The following CAMTA1 variants were observed in gnomAD, a reference collection of about 807,000 sequenced individuals.
CAMTA1 encodes calmodulin binding transcription activator 1.
Under a neutral mutation model 170.9 loss-of-function variants are expected in CAMTA1, and 27 were observed. The observed-to-expected ratio is 0.16, with a 90% CI of 0.12 to 0.22. The LOEUF is 0.22. CAMTA1 is among the 10% of genes least tolerant of loss of function. CAMTA1 has a pLI of 1.00. For missense variants in CAMTA1, 1,619 were observed against 2,217.2 expected, an observed-to-expected ratio of 0.73 and a Z score of 5.42; for synonymous variants, 833 against 891.5, an observed-to-expected ratio of 0.93 and a Z score of 1.17.
intron 5 of CAMTA1, among the ~76,000 whole-genome samples, chr1:7,403,181 C>T (rs1289618147): frequency 1.3e-5 from 2 of 151,996 alleles, no homozygotes; most frequent in South Asian, 2.1e-4. Context: ...GGCAAAACCC[C>T]GTCTCTACTA....
At chr1:7,288,147 A>G (rs1672613184) in intron 5 of CAMTA1, among the ~76,000 whole-genome samples, 1 of 152,152 alleles carries the variant, frequency 6.6e-6, no homozygotes, top group Non-Finnish European at 1.5e-5. Flanking sequence ...TTCCCTGATA[A>G]GCAGTGGAGC....
intron 3 of CAMTA1, among the ~76,000 whole-genome samples, chr1:6,943,213 C>T (rs997561088): frequency 3.2e-4 from 48 of 152,140 alleles, no homozygotes; most frequent in African/African-American, 9.4e-4. Context: ...TTCTCCTCCT[C>T]CCCTCCTCCC....
Position 7,181,721 on chromosome 1 carries a change from A to C in CAMTA1, c.303-67770A>C, listed in dbSNP as rs1652196788. On this transcript the variant is annotated intron_variant, in intron 4 of 22. Coordinates refer to ENST00000303635, the MANE Select transcript of CAMTA1 (RefSeq NM_015215.4). Reference sequence around the variant, plus strand: ...TCTGAAAGATGTGAAAGTAGTCTTGAACAAATAGAAAGACATCCCTTGATT... The same window carrying C: ...TCTGAAAGATGTGAAAGTAGTCTTGCACAAATAGAAAGACATCCCTTGATT... 2.0e-5 allele frequency among the ~76,000 whole-genome samples: 3 copies of C among 151,794 alleles called. No individual in the cohort carries two copies. The East Asian group carries it at 5.8e-4, about 29-fold the overall frequency.
At position 7,738,246 on chromosome 1, in the gene CAMTA1, C is replaced by G; in HGVS notation, c.3946C>G (p.Gln1316Glu). 6.2e-7 allele frequency: 1 copy of G among 1,614,082 alleles called. No homozygotes were observed. Among genetic ancestry groups the G allele is most frequent in the Non-Finnish European group, 8.5e-7 (1 of 1,180,038 alleles). ...ETAAFQASGS[Q>E]PVGKWNSKDL... ...TGCAGCATTTCAAGCCTCTGGATCT[C>G]AGCCTGTAGGAAAGTGGAATTCCAA... is the stretch of plus-strand genomic sequence containing the variant. Residue 1316 changes from glutamine (Q) to glutamate (E), a missense_variant, in exon 16 of 23, where the codon CAG becomes GAG. Gln to Glu is a conservative substitution (Grantham distance 29). Coordinates refer to ENST00000303635, the MANE Select transcript of CAMTA1 (RefSeq NM_015215.4). This position sits in a 1 kb window ranked among gnomAD's most constrained non-coding sequence, Gnocchi z 4.9.
At chr1:7,420,694 T>C (rs138101225) in intron 5 of CAMTA1, among the ~76,000 whole-genome samples, 33 of 152,278 alleles carry the variant, frequency 2.2e-4, no homozygotes, top group Admixed American at 2.2e-3. Context: ...GTCCAAATAT[T>C]AGCAATGCCC....
chr1:6,908,699 C>T (rs991054787), intron 3 of CAMTA1, among the ~76,000 whole-genome samples: 2 of 152,032 alleles, frequency 1.3e-5, no homozygotes, highest in Non-Finnish European at 2.9e-5. Flanking sequence ...GATAACATAC[C>T]CTTCATGAGA....
At chr1:7,315,992 C>T (rs899987001) in intron 5 of CAMTA1, among the ~76,000 whole-genome samples, 3 of 152,148 alleles carry the variant, frequency 2.0e-5, no homozygotes, top group East Asian at 1.9e-4. Flanking sequence ...ACAATCATGG[C>T]GGAAGGCTAA....
intron 5 of CAMTA1, among the ~76,000 whole-genome samples, chr1:7,302,055 G>A (rs975615778): frequency 4.6e-5 from 7 of 152,152 alleles, no homozygotes; most frequent in African/African-American, 1.4e-4. Context: ...GTCTTTGAAA[G>A]GCAGCTATTT....
intron 3 of CAMTA1, among the ~76,000 whole-genome samples, chr1:6,904,762 T>TTTTTTTG (rs1677979054): frequency 7.7e-6 from 1 of 129,884 alleles, no homozygotes; most frequent in Non-Finnish European, 1.7e-5. Context: ...TTTTTTTTTT[T>TTTTTTTG]TTTAATTTTT....
intron 6 of CAMTA1, among the ~76,000 whole-genome samples, chr1:7,594,871 G>A (rs1386756995): frequency 6.6e-6 from 1 of 152,234 alleles, no homozygotes; most frequent in Non-Finnish European, 1.5e-5. Context: ...TTGCAGTCGA[G>A]GTGCTTGTCG....
At chr1:7,637,004 G>A (rs1278421432) in intron 6 of CAMTA1, among the ~76,000 whole-genome samples, 1 of 152,208 alleles carries the variant, frequency 6.6e-6, no homozygotes, top group African/African-American at 2.4e-5. Flanking sequence ...GGAAGAGGAG[G>A]GGATCCTGGC....
intron 5 of CAMTA1, among the ~76,000 whole-genome samples, chr1:7,320,341 C>T (rs926517677): frequency 4.6e-5 from 7 of 152,230 alleles, no homozygotes; most frequent in Non-Finnish European, 8.8e-5. Flanking sequence ...TTATCTGTTC[C>T]GTATGAATGA....
At chr1:6,873,781 G>T (rs1001216698) in intron 3 of CAMTA1, among the ~76,000 whole-genome samples, 3 of 152,198 alleles carry the variant, frequency 2.0e-5, no homozygotes, top group African/African-American at 7.2e-5. Flanking sequence ...AATGAGCCTT[G>T]TTTATTTGGT....
At chr1:7,323,199 T>C (rs35005535) in intron 5 of CAMTA1, among the ~76,000 whole-genome samples, 35,882 of 152,074 alleles carry the variant, frequency 0.24, 4,890 homozygotes, top group Middle Eastern at 0.42. Context: ...TTTGGGTCAG[T>C]AGCACCACTG....
intron 6 of CAMTA1, among the ~76,000 whole-genome samples, chr1:7,527,073 C>T (rs192645638): frequency 6.6e-4 from 100 of 152,276 alleles, no homozygotes; most frequent in South Asian, 1.2e-3. Flanking sequence ...CTGCTCCTCT[C>T]CCCTGTGAGG....
chr1:7,008,730 G>A (rs1057350233), intron 3 of CAMTA1: 13 of 152,222 alleles, frequency 8.5e-5, no homozygotes, highest in Non-Finnish European at 4.4e-5. Context: ...AATGCAAACT[G>A]TAAAATATTC....
intron 3 of CAMTA1, among the ~76,000 whole-genome samples, chr1:6,995,553 T>C (rs544245735): frequency 1.3e-5 from 2 of 152,080 alleles, no homozygotes; most frequent in African/African-American, 4.8e-5. Context: ...CCGCCTGCCT[T>C]GGCCTCCCAA....
intron 5 of CAMTA1, among the ~76,000 whole-genome samples, chr1:7,413,435 G>T (rs1361315089): frequency 6.6e-6 from 1 of 152,098 alleles, no homozygotes; most frequent in Admixed American, 6.6e-5. Context: ...ATTTCATTGA[G>T]CAGTGGTTTG....
At chr1:7,275,307 G>A (rs1670431836) in intron 5 of CAMTA1, among the ~76,000 whole-genome samples, 1 of 151,978 alleles carries the variant, frequency 6.6e-6, no homozygotes. Flanking sequence ...AAATGTAATT[G>A]ATATTAACAA....
Sources: gnomAD v4.1 joint callset for allele counts (sites outside exome capture counted in the v4.1 genomes callset) on GRCh38, gnomAD v4.1.1 for gene constraint, Gnocchi (gnomAD v3.1) non-coding constraint, MANE v1.5 for transcripts, NCBI Gene and HGNC (gene_info 2026-07-23, HGNC 2026-07-21) for gene names.